The following CBR4 variants were observed in gnomAD, a reference collection of about 807,000 sequenced individuals.
The protein encoded by CBR4 is 3-oxoacyl-[acyl-carrier-protein] reductase.
Under a neutral mutation model 21.0 loss-of-function variants are expected in CBR4, and 22 were observed. That is an observed-to-expected ratio of 1.05 (90% CI 0.75 to 1.50). The LOEUF is 1.50. CBR4 is among the 40% of genes most tolerant of loss of function. The pLI, the probability that CBR4 is intolerant of heterozygous loss-of-function variation, is 0.00. For synonymous variants in CBR4, 100 were observed against 104.4 expected (o/e 0.96, Z 0.26); for missense variants, 302 against 286.3 (o/e 1.05, Z -0.40).
chr4:168,965,262 C>A (rs1763984994), intron 2 of CBR4, among the ~76,000 whole-genome samples: 1 of 152,106 alleles, frequency 6.6e-6, no homozygotes, highest in Non-Finnish European at 1.5e-5. Context: ...AAAGAGGACA[C>A]AAACAAATGT....
At chr4:168,914,575 T>G (rs1759711512) in intron 2 of CBR4, among the ~76,000 whole-genome samples, 1 of 152,146 alleles carries the variant, frequency 6.6e-6, no homozygotes, top group Non-Finnish European at 1.5e-5. Context: ...TAGTTCTGAG[T>G]CTATGCAAGG....
At chr4:168,909,862 G>A (rs150429906) in intron 2 of CBR4, among the ~76,000 whole-genome samples, 1 of 152,200 alleles carries the variant, frequency 6.6e-6, no homozygotes, top group African/African-American at 2.4e-5. Context: ...ACTGAACTCT[G>A]GGGGTTTTTT....
At chr4:168,983,601 T>A (rs1028407084), downstream of CBR4, among the ~76,000 whole-genome samples, 4 of 151,380 alleles carry the variant, frequency 2.6e-5, no homozygotes, top group African/African-American at 7.3e-5. Flanking sequence ...ACAGACATAA[T>A]GAAAAAAAAG....
intron 2 of CBR4, chr4:168,915,767 C>G (rs1759960478): frequency 8.5e-6 from 6 of 703,742 alleles, no homozygotes; most frequent in Non-Finnish European, 1.2e-5. Flanking sequence ...ATGTGTAAAT[C>G]TTAGCTGTAG....
At chr4:168,968,170 G>A (rs1764100241) in intron 2 of CBR4, among the ~76,000 whole-genome samples, 1 of 152,126 alleles carries the variant, frequency 6.6e-6, no homozygotes, top group Admixed American at 6.5e-5. Context: ...AAACCAAACT[G>A]CCCTTTTTTA....
In CBR4 at chr4:169,010,196, A is replaced by G. The variant is rs1731318684; in HGVS notation, c.-107T>C. The stretch of plus-strand genomic sequence containing the variant: ...GTTCCAAAAAAAAAAAAAAGAAAAA[A>G]AAAGGCAAACCGCAAAAAAAAATAA... On this transcript the variant is annotated 5_prime_UTR_variant, in exon 1 of 5. Coordinates refer to ENST00000306193, the MANE Select transcript of CBR4 (RefSeq NM_032783.5). 9.1e-7 allele frequency: 1 copy of G among 1,102,244 alleles called. No homozygotes were observed. Among genetic ancestry groups the G allele is most frequent in the South Asian group, 1.7e-5 (1 of 58,540 alleles). 68.3% of individuals were successfully genotyped at this position (1,102,244 alleles called of 1,614,324 possible).
intron 2 of CBR4, among the ~76,000 whole-genome samples, chr4:168,954,849 T>G (rs1254991957): frequency 1.3e-5 from 2 of 152,118 alleles, no homozygotes; most frequent in Admixed American, 6.6e-5. Context: ...CAGTCAAGAT[T>G]GGAACAGATC....
chr4:168,917,531 CT>C (rs1428069982), intron 2 of CBR4, among the ~76,000 whole-genome samples: 2 of 152,052 alleles, frequency 1.3e-5, no homozygotes, highest in African/African-American at 4.8e-5. Context: ...TTTTTGCCCC[CT>C]GTTTACTGAT....
chr4:168,900,082 C>G (rs1215185402), intron 2 of CBR4, among the ~76,000 whole-genome samples: 1 of 152,276 alleles, frequency 6.6e-6, no homozygotes. Context: ...GTAGGAGCAA[C>G]AGAGAGAAGT....
At chr4:168,905,383 C>T (rs961999884) in intron 2 of CBR4, among the ~76,000 whole-genome samples, 2 of 151,380 alleles carry the variant, frequency 1.3e-5, no homozygotes, top group Admixed American at 6.6e-5. Context: ...CTCCTGACCT[C>T]GTGATCCGCC....
Position 169,007,619 on chromosome 4 carries a change from T to C in CBR4, c.263+17A>G, listed in dbSNP as rs1731020670. On this transcript the variant is annotated intron_variant, in intron 2 of 4. Transcript: ENST00000306193. ...TTAAATATATATATAAGAAACTTAT[T>C]TAAATCTGTGACCAACCTGTTAATA... 7 of 1,493,526 alleles carry C rather than the reference T, an allele frequency of 4.7e-6. No individual in the cohort carries two copies. The highest frequency in any genetic ancestry group is 4.8e-5 in the Admixed American group (2 of 41,338). 92.5% of individuals were successfully genotyped at this position (1,493,526 alleles called of 1,614,324 possible).
chr4:168,976,900 T>C (rs1245863245), intron 2 of CBR4, among the ~76,000 whole-genome samples: 9 of 152,218 alleles, frequency 5.9e-5, no homozygotes, highest in Admixed American at 5.9e-4. Flanking sequence ...GATGTATACA[T>C]GCAGGTCACA....
intron 2 of CBR4, among the ~76,000 whole-genome samples, chr4:168,899,081 C>T (rs1560882937): frequency 6.6e-6 from 1 of 152,186 alleles, no homozygotes; most frequent in Non-Finnish European, 1.5e-5. Flanking sequence ...GAACCCAGTG[C>T]TCTGTACCAT....
At chr4:168,979,442 G>C (rs1764473417) in intron 2 of CBR4, among the ~76,000 whole-genome samples, 1 of 151,982 alleles carries the variant, frequency 6.6e-6, no homozygotes, top group Non-Finnish European at 1.5e-5. Flanking sequence ...TTACTACACA[G>C]GGCCTCCTGG....
intron 2 of CBR4, among the ~76,000 whole-genome samples, chr4:168,948,148 G>A (rs985538544): frequency 1.1e-4 from 17 of 152,028 alleles, no homozygotes; most frequent in African/African-American, 3.9e-4. Context: ...GCATTTTTTC[G>A]TATGTTTGTT....
At chr4:168,979,543 T>C (rs1764476739) in intron 2 of CBR4, among the ~76,000 whole-genome samples, 1 of 77,584 alleles carries the variant, frequency 1.3e-5, no homozygotes, top group African/African-American at 3.2e-5. Flanking sequence ...GAGACAACCC[T>C]CTGCCATTGC....
intron 2 of CBR4, among the ~76,000 whole-genome samples, chr4:168,902,731 T>C (rs1756803388): frequency 6.6e-6 from 1 of 152,174 alleles, no homozygotes; most frequent in South Asian, 2.1e-4. Context: ...GAGGACCCTT[T>C]GGACTACTTA....
At chr4:168,950,421 T>C (rs904548838) in intron 2 of CBR4, among the ~76,000 whole-genome samples, 1 of 152,194 alleles carries the variant, frequency 6.6e-6, no homozygotes, top group East Asian at 1.9e-4. Context: ...CCTTTTGGAG[T>C]TGATTTACAG....
chr4:168,905,138 G>GTTTTTTGTTTTTTT (rs1560894892), intron 2 of CBR4, among the ~76,000 whole-genome samples: 2 of 34,540 alleles, frequency 5.8e-5, no homozygotes, highest in Non-Finnish European at 1.4e-4. Flanking sequence ...TGTTTTGTTG[G>GTTTTTTGTTTTTTT]TTTTTTTTTT....
Sources: allele counts gnomAD v4.1 joint callset (sites outside exome capture counted in the v4.1 genomes callset), GRCh38; gene constraint gnomAD v4.1.1; transcripts MANE v1.5; gene names NCBI Gene and HGNC (gene_info 2026-07-23, HGNC 2026-07-21).